The following SLC14A2 variants were observed in gnomAD, a reference collection of about 807,000 sequenced individuals.
SLC14A2 encodes the protein solute carrier family 14 member 2.
SLC14A2 carries 91 observed loss-of-function variants against 104.6 expected under a neutral mutation model. The ratio of observed to expected loss-of-function variants is 0.87; its 90% CI spans 0.73 to 1.04. The LOEUF is 1.04. Among genes scored for constraint, SLC14A2 ranks in the 50% least tolerant of loss-of-function variants. The pLI is 0.00. For synonymous variants in SLC14A2, 476 were observed against 466.4 expected, an observed-to-expected ratio of 1.02 and a Z score of -0.27; for missense variants, 1,189 against 1,156.0, an observed-to-expected ratio of 1.03 and a Z score of -0.41.
At position 45,499,159 on chromosome 18, in the gene SLC14A2, T is replaced by TG. The variant is rs547224428; in HGVS notation, c.-35+15841dup. ...GAATCACCAGACTCACTGGTTGTTT[T>TG]GGGGTCACACACTCCTTTGAGACTC... On this transcript the variant is annotated intron_variant, in intron 2 of 20. Coordinates refer to the SLC14A2 transcript ENST00000586448. Among the ~76,000 whole-genome samples, 369 of 152,342 alleles carry TG rather than the reference T, an allele frequency of 2.4e-3. 1 individual carries two copies. The highest frequency in any genetic ancestry group is 8.3e-3 in the African/African-American group (347 of 41,584).
At chr18:45,334,109 G>A (rs2085315151) in intron 1 of SLC14A2, among the ~76,000 whole-genome samples, 1 of 152,152 alleles carries the variant, frequency 6.6e-6, no homozygotes, top group Non-Finnish European at 1.5e-5. Context: ...GTTCCTTGAG[G>A]TGTGGGCAAT....
At chr18:45,645,311 G>C (rs2045600476) in intron 10 of SLC14A2, among the ~76,000 whole-genome samples, 1 of 152,102 alleles carries the variant, frequency 6.6e-6, no homozygotes, top group Admixed American at 6.6e-5. Flanking sequence ...ATGTGTGCTT[G>C]TGTCTTTACA....
At chr18:45,433,074 C>T (rs575685988) in intron 1 of SLC14A2, among the ~76,000 whole-genome samples, 1 of 152,242 alleles carries the variant, frequency 6.6e-6, no homozygotes, top group East Asian at 1.9e-4. Context: ...TCTTTCACTT[C>T]CTCAAAACAA....
chr18:45,615,836 TGAGAGAGAGA>T lies in SLC14A2; in HGVS notation c.-35+268_-35+277del, dbSNP rs779783446. ...GGGTGTATGTGTGTGTGTGTGTGTG[TGAGAGAGAGA>T]GAGAGAGAGAGAGGGAGAGAGAGAG... On this transcript the variant is annotated intron_variant, in intron 1 of 19. Coordinates refer to ENST00000255226, the MANE Select transcript of SLC14A2 (RefSeq NM_007163.4). Among the ~76,000 whole-genome samples the T allele has an allele frequency of 8.7e-5, 13 of 148,660 alleles. No individual in the cohort carries two copies. In the East Asian group the frequency reaches 9.8e-4, roughly 11 times the overall value.
intron 2 of SLC14A2, among the ~76,000 whole-genome samples, chr18:45,596,875 C>A (rs1231110882): frequency 6.6e-6 from 1 of 152,200 alleles, no homozygotes; most frequent in East Asian, 1.9e-4. Context: ...ACTGCCTTCA[C>A]AGCTGCTCTG....
At chr18:45,343,969 T>A (rs2085422394) in intron 1 of SLC14A2, among the ~76,000 whole-genome samples, 1 of 152,202 alleles carries the variant, frequency 6.6e-6, no homozygotes. Flanking sequence ...AGGGAAACTG[T>A]ATGAGGGCTC....
At chr18:45,674,252 TGATGTTATATGACTG>T (rs1206919015) in intron 18 of SLC14A2, among the ~76,000 whole-genome samples, 1 of 152,206 alleles carries the variant, frequency 6.6e-6, no homozygotes, top group African/African-American at 2.4e-5. Context: ...CTTTATTTCT[TGATGTTATATGACTG>T]GAAACCAAAC....
chr18:45,209,303 C>A (rs138632539), upstream of SLC14A2, among the ~76,000 whole-genome samples: 1,225 of 151,912 alleles, frequency 8.1e-3, 25 homozygotes, highest in African/African-American at 0.028. Context: ...AGATCACACC[C>A]CTCCTCTCCA....
At chr18:45,170,313 G>T in the SLC14A2 span, among the ~76,000 whole-genome samples, 1 of 152,102 alleles carries the variant, frequency 6.6e-6, no homozygotes, top group South Asian at 2.1e-4. Context: ...GAAGCAGAAG[G>T]GCAGGCAGAG....
At chr18:45,540,898 A>C (rs2043874295) in intron 2 of SLC14A2, among the ~76,000 whole-genome samples, 1 of 152,132 alleles carries the variant, frequency 6.6e-6, no homozygotes, top group Non-Finnish European at 1.5e-5. Flanking sequence ...GCCCTTAAGA[A>C]GCTAAGAATC....
At chr18:45,621,417 G>A (rs1395907251) in intron 1 of SLC14A2, among the ~76,000 whole-genome samples, 1 of 152,218 alleles carries the variant, frequency 6.6e-6, no homozygotes, top group Non-Finnish European at 1.5e-5. Context: ...AATGAGAACG[G>A]TGCTAGACAT....
intron 2 of SLC14A2, among the ~76,000 whole-genome samples, chr18:45,590,894 A>G (rs2044638067): frequency 6.6e-6 from 1 of 152,248 alleles, no homozygotes; most frequent in East Asian, 1.9e-4. Context: ...TATTATCCCC[A>G]TCTTGCAGAT....
intron 1 of SLC14A2, among the ~76,000 whole-genome samples, chr18:45,480,836 C>G (rs1457375345): frequency 6.6e-6 from 1 of 152,166 alleles, no homozygotes; most frequent in African/African-American, 2.4e-5. Context: ...AAATTATGTG[C>G]TCTCTCTAAT....
At chr18:45,578,738 A>G (rs947380393) in intron 2 of SLC14A2, among the ~76,000 whole-genome samples, 12 of 152,258 alleles carry the variant, frequency 7.9e-5, no homozygotes, top group African/African-American at 2.2e-4. Context: ...CTGATTCCTC[A>G]TTCCAACAAT....
intron 2 of SLC14A2, among the ~76,000 whole-genome samples, chr18:45,521,808 C>T (rs1185861191): frequency 6.6e-6 from 1 of 152,030 alleles, no homozygotes; most frequent in Non-Finnish European, 1.5e-5. Context: ...TGCATTTGTT[C>T]TAAACAGCCA....
chr18:45,182,866 T>C, the SLC14A2 span, among the ~76,000 whole-genome samples: 1 of 152,134 alleles, frequency 6.6e-6, no homozygotes, highest in South Asian at 2.1e-4. Context: ...AATTTATAGG[T>C]TAATTCAATC....
chr18:45,384,798 G>A (rs924803607), intron 1 of SLC14A2, among the ~76,000 whole-genome samples: 2 of 152,202 alleles, frequency 1.3e-5, no homozygotes, highest in Non-Finnish European at 2.9e-5. Flanking sequence ...TGATTGTTGT[G>A]GGGAGATGGG....
At chr18:45,456,751 CTTT>C (rs10711605) in intron 1 of SLC14A2, among the ~76,000 whole-genome samples, 12 of 141,906 alleles carry the variant, frequency 8.5e-5, no homozygotes, top group Admixed American at 7.0e-5. Flanking sequence ...CCCCAGGAGA[CTTT>C]TTTTTTTTTT....
chr18:45,338,873 G>A (rs964226374), intron 1 of SLC14A2, among the ~76,000 whole-genome samples: 2 of 151,750 alleles, frequency 1.3e-5, no homozygotes, highest in African/African-American at 4.8e-5. Context: ...GGGACCGATT[G>A]GGTTCCTAAC....
Sources: gnomAD v4.1 joint callset for allele counts (sites outside exome capture counted in the v4.1 genomes callset) on GRCh38, gnomAD v4.1.1 for gene constraint, MANE v1.5 for transcripts, NCBI Gene and HGNC (gene_info 2026-07-23, HGNC 2026-07-21) for gene names.